Variants in TTC3 observed in about 807,000 individuals in gnomAD.
TTC3 encodes tetratricopeptide repeat domain 3, also known as E3 ubiquitin-protein ligase TTC3.
Under a neutral mutation model 249.6 loss-of-function variants are expected in TTC3, and 180 were observed. The observed-to-expected ratio is 0.72, with a 90% CI of 0.64 to 0.82. TTC3 has a LOEUF of 0.82. TTC3 is among the 40% of genes least tolerant of loss of function. The pLI is 0.00. For missense variants in TTC3, 2,061 were observed against 2,398.4 expected, an observed-to-expected ratio of 0.86 and a Z score of 2.94; for synonymous variants, 717 against 805.0, an observed-to-expected ratio of 0.89 and a Z score of 1.85.
At chr21:37,101,825 A>T (rs1034597710) in intron 10 of TTC3, among the ~76,000 whole-genome samples, 4 of 151,388 alleles carry the variant, frequency 2.6e-5, no homozygotes, top group Non-Finnish European at 5.9e-5. Context: ...GGATCTGTAT[A>T]TAGAGACCTA....
chr21:37,192,229 C>CT lies in TTC3; in HGVS notation c.5217+30dup, dbSNP rs202143959. ...CTGTAACACGGTAAGTCTAGCACAT[C>CT]TTTTTTTTTTTTTTAAACCATAATT... On this transcript the variant is annotated intron_variant, in intron 41 of 45. Transcript: ENST00000355666. 56,412 of 1,192,630 alleles carry CT rather than the reference C, an allele frequency of 0.047. No individual in the cohort carries two copies. The highest frequency in any genetic ancestry group is 0.054 in the South Asian group (3,380 of 62,316). The allele number at this position is 1,192,630 out of a possible 1,614,324, so 73.9% of individuals were successfully genotyped here.
intron 1 of TTC3, among the ~76,000 whole-genome samples, chr21:37,081,245 G>C (rs1294332607): frequency 6.9e-6 from 1 of 145,518 alleles, no homozygotes; most frequent in Non-Finnish European, 1.5e-5. Flanking sequence ...AGACTCCCAA[G>C]TAGCTGGGAC....
exon 22 of TTC3, chr21:37,147,576 GATATAC>G (rs1489809465): frequency 1.9e-6 from 3 of 1,611,256 alleles, no homozygotes; most frequent in Non-Finnish European, 2.5e-6. Flanking sequence ...CTAAGATCCA[GATATAC>G]ATAACTGATC....
At chr21:37,140,099 T>A (rs2078298884) in intron 19 of TTC3, among the ~76,000 whole-genome samples, 1 of 152,210 alleles carries the variant, frequency 6.6e-6, no homozygotes, top group Admixed American at 6.5e-5. Context: ...ACTAATGGGC[T>A]GTTTTTAAGA....
chr21:37,167,021 T>G (rs2040604782), intron 33 of TTC3, among the ~76,000 whole-genome samples: 1 of 152,132 alleles, frequency 6.6e-6, no homozygotes. Flanking sequence ...CCTGGAGGCC[T>G]TCCAGCGTGG....
chr21:37,165,656 A>G (rs1262078908), exon 33 of TTC3: 16 of 1,614,146 alleles, frequency 9.9e-6, no homozygotes, highest in Non-Finnish European at 1.3e-5. Flanking sequence ...GATACTAGAA[A>G]AAGCAGGAGG....
chr21:37,157,200 T>G (rs1005306362), intron 28 of TTC3: 12 of 1,343,906 alleles, frequency 8.9e-6, no homozygotes, highest in South Asian at 1.2e-5. Context: ...CATGTTACAC[T>G]GACAGAATCT....
intron 32 of TTC3, 111 bp downstream of exon 32, chr21:37,164,326 A>G: frequency 9.1e-7 from 1 of 1,099,296 alleles, no homozygotes; most frequent in Non-Finnish European, 1.2e-6. Context: ...CATTTTACAC[A>G]AAGTTAATTT....
At chr21:37,088,772 C>T (rs2072862252) in intron 4 of TTC3, 27 bp from the exon 5 acceptor site, 2 of 1,588,632 alleles carry the variant, frequency 1.3e-6, no homozygotes, top group Non-Finnish European at 1.7e-6. Context: ...AGAATCTAAT[C>T]TTTTAAAAAA....
chr21:37,091,508 G>T, intron 7 of TTC3, 95 bp downstream of exon 7: 1 of 1,132,910 alleles, frequency 8.8e-7, no homozygotes, highest in African/African-American at 1.6e-5. Context: ...ATTTATCTTA[G>T]AATTTAAAAA....
chr21:37,105,278 G>A (rs2074966850), intron 10 of TTC3, among the ~76,000 whole-genome samples: 1 of 152,166 alleles, frequency 6.6e-6, no homozygotes, highest in Non-Finnish European at 1.5e-5. Context: ...GGTGTTTGGG[G>A]AGAGAGACCC....
exon 27 of TTC3, chr21:37,153,109 A>G (rs2079639557): frequency 1.2e-6 from 2 of 1,613,742 alleles, no homozygotes; most frequent in Non-Finnish European, 8.5e-7. Flanking sequence ...AGACTATACA[A>G]CCTGTTTTTC....
chr21:37,166,492 A>G (rs1249690249), exon 33 of TTC3: 3 of 1,614,192 alleles, frequency 1.9e-6, no homozygotes. Context: ...ATGCTCATAC[A>G]GTCCTGAGTG....
intron 11 of TTC3, among the ~76,000 whole-genome samples, chr21:37,115,587 C>T (rs1200276397): frequency 2.6e-5 from 4 of 152,200 alleles, no homozygotes; most frequent in Non-Finnish European, 4.4e-5. Flanking sequence ...CACACAACTG[C>T]AAATACCTAC....
At chr21:37,190,584 T>A (rs532528019) in intron 39 of TTC3, among the ~76,000 whole-genome samples, 1 of 152,210 alleles carries the variant, frequency 6.6e-6, no homozygotes, top group African/African-American at 2.4e-5. Flanking sequence ...ATAGGCTGCA[T>A]TGTGGCTCAT....
chr21:37,122,120 A>C (rs1237210205), intron 12 of TTC3, 141 bp downstream of exon 12: 2 of 719,786 alleles, frequency 2.8e-6, no homozygotes, highest in Non-Finnish European at 4.1e-6. Context: ...TGGTCATGGC[A>C]CTTGAGTTTT....
At chr21:37,149,806 T>C (rs867586774) in intron 23 of TTC3, among the ~76,000 whole-genome samples, 1 of 152,250 alleles carries the variant, frequency 6.6e-6, no homozygotes, top group South Asian at 2.1e-4. Flanking sequence ...AAGTGTTTGT[T>C]AAACCTTTTG....
intron 19 of TTC3, among the ~76,000 whole-genome samples, chr21:37,139,082 G>C (rs147314914): frequency 6.6e-6 from 1 of 152,160 alleles, no homozygotes; most frequent in African/African-American, 2.4e-5. Flanking sequence ...TATGAATTCT[G>C]TGCATCTTGT....
intron 41 of TTC3, 54 bp from the exon 42 acceptor site, chr21:37,195,621 T>G: frequency 1.3e-6 from 2 of 1,531,458 alleles, no homozygotes; most frequent in East Asian, 4.5e-5. Flanking sequence ...CCTTGGGCGT[T>G]TCATCCTTCA....
Sources: gnomAD v4.1 joint callset for allele counts (sites outside exome capture counted in the v4.1 genomes callset) on GRCh38, gnomAD v4.1.1 for gene constraint, MANE v1.5 for transcripts, NCBI Gene and HGNC (gene_info 2026-07-23, HGNC 2026-07-21) for gene names.